Variants in NPEPPS observed in about 807,000 individuals in gnomAD.
NPEPPS encodes puromycin-sensitive aminopeptidase.
Under a neutral mutation model 115.5 loss-of-function variants are expected in NPEPPS, and 14 were observed. The ratio of observed to expected loss-of-function variants is 0.12; its 90% confidence interval spans 0.08 to 0.19. The LOEUF (loss-of-function observed/expected upper bound fraction) is 0.19, where lower values mean the gene tolerates loss of function less well. Ranked by LOEUF, NPEPPS falls within the 10% of genes least tolerant of loss-of-function variation. NPEPPS has a pLI of 1.00. For synonymous variants in NPEPPS, 285 were observed against 390.6 expected, an observed-to-expected ratio of 0.73 and a Z score of 3.19; for missense variants, 523 against 1,110.8, an observed-to-expected ratio of 0.47 and a Z score of 7.52.
chr17:47,543,189 A>G (rs1406773977), intron 1 of NPEPPS, among the ~76,000 whole-genome samples: 3 of 151,888 alleles, frequency 2.0e-5, no homozygotes, highest in Non-Finnish European at 2.9e-5. Flanking sequence ...GTGTTAAACA[A>G]GCAGTTCACA....
intron 13 of NPEPPS, among the ~76,000 whole-genome samples, chr17:47,599,387 T>A (rs2143907054): frequency 6.6e-6 from 1 of 152,358 alleles, no homozygotes; most frequent in Admixed American, 6.5e-5. Flanking sequence ...TCTGTGTTAT[T>A]TGAAATCCAG....
At chr17:47,541,419 C>G (rs564739639) in intron 1 of NPEPPS, among the ~76,000 whole-genome samples, 1 of 151,616 alleles carries the variant, frequency 6.6e-6, no homozygotes, top group Non-Finnish European at 1.5e-5. Context: ...TTTTGTCGCC[C>G]AGGTTGGAGT....
At chr17:47,530,934 C>G (rs569256274), upstream of NPEPPS, 77 of 151,576 alleles carry the variant, frequency 5.1e-4, no homozygotes, top group African/African-American at 1.8e-3. Flanking sequence ...TCCTGAGCGG[C>G]GCCGACAGGT....
chr17:47,609,507 A>T (rs1232662314), intron 17 of NPEPPS, among the ~76,000 whole-genome samples: 1 of 152,218 alleles, frequency 6.6e-6, no homozygotes, highest in Admixed American at 6.5e-5. Flanking sequence ...CAGAATTATA[A>T]ATTACTTCTT....
Position 47,556,451 on chromosome 17 carries a change from G to T in NPEPPS, c.340+10458G>T, listed in dbSNP as rs1334118023. Among the ~76,000 whole-genome samples the T allele has an allele frequency of 2.0e-5, 3 of 152,238 alleles. No individual in the cohort carries two copies. In the East Asian group the frequency reaches 5.8e-4, roughly 29 times the overall value. On this transcript the variant is annotated intron_variant, in intron 2 of 22. Coordinates refer to ENST00000322157, the MANE Select transcript of NPEPPS (RefSeq NM_006310.4). ...AGGCAGAAGACTTTTTCTTAGTACA[G>T]AACAAAATGGAGTCTCCTATGTCTA...
At chr17:47,578,386 T>C (rs369476530) in intron 3 of NPEPPS, among the ~76,000 whole-genome samples, 1 of 152,128 alleles carries the variant, frequency 6.6e-6, no homozygotes, top group East Asian at 1.9e-4. Context: ...AATCTTGATA[T>C]AAGTAGGGCC....
At chr17:47,565,676 C>T (rs1161664510) in intron 2 of NPEPPS, among the ~76,000 whole-genome samples, 4 of 151,488 alleles carry the variant, frequency 2.6e-5, no homozygotes, top group Admixed American at 6.6e-5. Flanking sequence ...AAAAATTAGT[C>T]GGGTGTGGTG....
At chr17:47,528,591 G>A (rs1907531012), upstream of NPEPPS, among the ~76,000 whole-genome samples, 1 of 152,078 alleles carries the variant, frequency 6.6e-6, no homozygotes, top group Non-Finnish European at 1.5e-5. Context: ...ATACATGCTG[G>A]ATTTCAAAGT....
At chr17:47,594,897 G>C (rs940237872) in intron 12 of NPEPPS, among the ~76,000 whole-genome samples, 3 of 150,258 alleles carry the variant, frequency 2.0e-5, no homozygotes, top group African/African-American at 7.4e-5. Context: ...CTCCCAAAGT[G>C]CTGGGATTAC....
intron 12 of NPEPPS, 53 bp from the exon 13 acceptor site, chr17:47,596,300 G>T: frequency 1.7e-6 from 2 of 1,191,680 alleles, no homozygotes; most frequent in East Asian, 2.7e-5. Flanking sequence ...TTTCTTTTTT[G>T]TTTAGGAAAA....
At chr17:47,536,247 ATGT>A (rs1388138136) in intron 1 of NPEPPS, among the ~76,000 whole-genome samples, 1 of 152,170 alleles carries the variant, frequency 6.6e-6, no homozygotes, top group African/African-American at 2.4e-5. Flanking sequence ...CAAAATATAC[ATGT>A]TGGAGATAAC....
chr17:47,621,404 GACTT>G (rs1914564386), intron 22 of NPEPPS, among the ~76,000 whole-genome samples: 2 of 152,164 alleles, frequency 1.3e-5, no homozygotes, highest in South Asian at 4.2e-4. Flanking sequence ...AGAAAACTGA[GACTT>G]AGAGCAGTTA....
chr17:47,526,641 C>T (rs1198352667), upstream of NPEPPS, among the ~76,000 whole-genome samples: 3 of 152,138 alleles, frequency 2.0e-5, no homozygotes, highest in Non-Finnish European at 4.4e-5. Flanking sequence ...AGCTGAGAAA[C>T]AGACGAACTA....
chr17:47,618,765 G>A (rs1403009961), intron 20 of NPEPPS, among the ~76,000 whole-genome samples: 1 of 152,148 alleles, frequency 6.6e-6, no homozygotes, highest in Non-Finnish European at 1.5e-5. Flanking sequence ...AAACCTATAG[G>A]CTCCTAAGCA....
At position 47,603,582 on chromosome 17, in the gene NPEPPS, AT is replaced by A. The variant is rs1450539445; in HGVS notation, c.1741-331del. 9.1e-5 allele frequency: 16 copies of A among 175,848 alleles called. No individual in the cohort carries two copies. The Admixed American group carries it at 9.9e-4, about 11-fold the overall frequency. 10.9% of individuals were successfully genotyped at this position (175,848 alleles called of 1,614,324 possible). A position where few individuals can be genotyped will look rare whatever the true frequency, so the allele number is the denominator to read the frequency against. ...TGTAAAGGCCTAAGCTTTCTTAGAGATTCCACTGTCCAGGTGTTTTCATATA... is the reference window on the plus strand; with the variant it reads ...TGTAAAGGCCTAAGCTTTCTTAGAGATCCACTGTCCAGGTGTTTTCATATA... On this transcript the variant is annotated intron_variant, in intron 15 of 22. Transcript: ENST00000322157.
rs1217749851 is a variant in NPEPPS at position 47,537,675 on chromosome 17, G to A, written c.255+6120G>A. Among the ~76,000 whole-genome samples the A allele has an allele frequency of 2.0e-5, 3 of 151,702 alleles. 1 individual carries two copies. The highest frequency in any genetic ancestry group is 6.8e-3 in the Middle Eastern group (2 of 292). ...GAGATCACGCCATTGCACTCCAGCCGGGGTGACACAGCGAGACCCTGTCTT... is the reference window on the plus strand; with the variant it reads ...GAGATCACGCCATTGCACTCCAGCCAGGGTGACACAGCGAGACCCTGTCTT... On this transcript the variant is annotated intron_variant, in intron 1 of 22. Transcript: ENST00000322157.
chr17:47,551,980 TC>T (rs376402330), intron 2 of NPEPPS, among the ~76,000 whole-genome samples: 1,443 of 126,044 alleles, frequency 0.011, 109 homozygotes, highest in African/African-American at 0.035. Flanking sequence ...TTTTTTTTTT[TC>T]TTTTTTTTTT....
In NPEPPS at chr17:47,531,549, C is replaced by A. The variant is rs755041550; in HGVS notation, c.249C>A (p.Ala83=). The A allele has an allele frequency of 1.8e-5, 29 of 1,603,036 alleles. No individual in the cohort carries two copies. In the African/African-American group the frequency reaches 2.9e-4, roughly 16 times the overall value. Residue 83 remains alanine, a synonymous_variant, in exon 1 of 23, where the codon GCC becomes GCA. Transcript: ENST00000322157. Reference sequence around the variant, plus strand: ...CCTTCGAGGGCAAGCTGGAGGCCGCCGCCCAGGTACAGCGACCCTCGGGCC... The same window carrying A: ...CCTTCGAGGGCAAGCTGGAGGCCGCAGCCCAGGTACAGCGACCCTCGGGCC... ...DFTFEGKLEA[A]AQVRQATNQI... is the part of the protein sequence containing the mutation.
chr17:47,540,541 A>G (rs1908675129), intron 1 of NPEPPS, among the ~76,000 whole-genome samples: 1 of 152,240 alleles, frequency 6.6e-6, no homozygotes, highest in Non-Finnish European at 1.5e-5. Flanking sequence ...TAGTCAGCAC[A>G]TACACTTATG....
Sources: gnomAD v4.1 joint callset for allele counts (sites outside exome capture counted in the v4.1 genomes callset) on GRCh38, gnomAD v4.1.1 for gene constraint, MANE v1.5 for transcripts, NCBI Gene and HGNC (gene_info 2026-07-23, HGNC 2026-07-21) for gene names.